GATB: variants seen among roughly 807,000 people sequenced by gnomAD.
GATB encodes glutamyl-tRNA amidotransferase subunit B.
A neutral mutation model predicts 62.3 loss-of-function variants in GATB; 39 were observed. That is an observed-to-expected ratio of 0.63 (90% CI 0.48 to 0.82). The LOEUF is 0.82. GATB is among the 40% of genes least tolerant of loss of function. GATB has a pLI of 0.00. For synonymous variants in GATB, 276 were observed against 258.9 expected (o/e 1.07, Z -0.63); for missense variants, 670 against 684.0 (o/e 0.98, Z 0.23).
At chr4:151,688,847 C>T in intron 9 of GATB, 84 bp from the exon 10 acceptor site, 1 of 1,091,960 alleles carries the variant, frequency 9.2e-7, no homozygotes, top group Non-Finnish European at 1.2e-6. Flanking sequence ...TGAAACTGTC[C>T]CCTCTGCCTC....
Position 151,731,900 on chromosome 4 carries a change from A to G in GATB, c.328-12362T>C, listed in dbSNP as rs9998197. ...CCGGCAGCCACCCAGCAGCCGCCCCATCCGGGAGGGAGGTGGGGGTCAGCC... is the reference window on the plus strand; with the variant it reads ...CCGGCAGCCACCCAGCAGCCGCCCCGTCCGGGAGGGAGGTGGGGGTCAGCC... On this transcript the variant is annotated intron_variant, in intron 2 of 12. Coordinates refer to ENST00000263985, the MANE Select transcript of GATB (RefSeq NM_004564.3). Among the ~76,000 whole-genome samples, 6 of 134,248 alleles carry G rather than the reference A, an allele frequency of 4.5e-5. No homozygotes were observed. In the South Asian group the frequency reaches 1.1e-3, roughly 24 times the overall value. The allele number at this position is 134,248 out of a possible 152,430, so 88.1% of individuals were successfully genotyped here. A position where few individuals can be genotyped will look rare whatever the true frequency, so the allele number is the denominator to read the frequency against.
chr4:151,687,585 A>G (rs1182981285), intron 10 of GATB, among the ~76,000 whole-genome samples: 1 of 152,190 alleles, frequency 6.6e-6, no homozygotes, highest in Non-Finnish European at 1.5e-5. Flanking sequence ...GACGCTGAAT[A>G]TTTGTGTCCC....
intron 8 of GATB, 199 bp downstream of exon 8, chr4:151,703,652 T>C: frequency 1.7e-6 from 1 of 599,596 alleles, no homozygotes. Context: ...GCACCAGATC[T>C]GAGGCTACCA....
chr4:151,753,222 T>C (rs1193504244), intron 2 of GATB, among the ~76,000 whole-genome samples: 1 of 152,154 alleles, frequency 6.6e-6, no homozygotes, highest in African/African-American at 2.4e-5. Flanking sequence ...TACATTCCTA[T>C]GGGGGTAGGG....
chr4:151,711,307 T>C (rs1738814878), intron 5 of GATB, among the ~76,000 whole-genome samples: 1 of 152,254 alleles, frequency 6.6e-6, no homozygotes, highest in Non-Finnish European at 1.5e-5. Flanking sequence ...GTCTTTCCCT[T>C]GCTTAAAAGC....
intron 9 of GATB, among the ~76,000 whole-genome samples, chr4:151,695,259 A>G (rs1738445201): frequency 6.6e-6 from 1 of 152,096 alleles, no homozygotes; most frequent in Non-Finnish European, 1.5e-5. Flanking sequence ...CTTTAGATTC[A>G]ATGAAGATTT....
chr4:151,748,747 A>T lies in GATB; in HGVS notation c.327+10025T>A, dbSNP rs1739654778. 3.3e-5 allele frequency among the ~76,000 whole-genome samples: 5 copies of T among 152,138 alleles called. No homozygotes were observed. In the South Asian group the frequency reaches 1.0e-3, roughly 32 times the overall value. ...GGCAACCTACAGAATGGGAGAAAAT[A>T]TTTGCAATCTACCCATCTGACAAAG... On this transcript the variant is annotated intron_variant, in intron 2 of 12. Coordinates refer to ENST00000263985, the MANE Select transcript of GATB (RefSeq NM_004564.3).
At chr4:151,698,044 G>A (rs1345014228) in intron 9 of GATB, among the ~76,000 whole-genome samples, 1 of 144,358 alleles carries the variant, frequency 6.9e-6, no homozygotes, top group South Asian at 2.2e-4. Flanking sequence ...TAGCTAAATA[G>A]GTTGAAGTTT....
intron 5 of GATB, 96 bp from the exon 6 acceptor site, chr4:151,708,197 A>C: frequency 1.3e-6 from 1 of 784,294 alleles, no homozygotes; most frequent in Non-Finnish European, 2.1e-6. Flanking sequence ...ATCTAACTCT[A>C]CCTGCTGTTT....
Position 151,716,144 on chromosome 4 carries a change from G to A in GATB, c.641-13C>T, listed in dbSNP as rs1738908803. 1.2e-6 allele frequency: 2 copies of A among 1,610,192 alleles called. No individual in the cohort carries two copies. Among genetic ancestry groups the A allele is most frequent in the African/African-American group, 1.3e-5 (1 of 74,844 alleles). On this transcript the variant is annotated splice_polypyrimidine_tract_variant and intron_variant, in intron 4 of 12. Transcript: ENST00000263985. ...AGAAGGCCCACTCCTACCAAAGAGG[G>A]GCAGAGTCAGCCTCACTGCAGCTCT...
At chr4:151,681,164 C>T (rs1054324984) in intron 10 of GATB, among the ~76,000 whole-genome samples, 4 of 152,182 alleles carry the variant, frequency 2.6e-5, no homozygotes, top group African/African-American at 7.2e-5. Context: ...GCCGATTTCC[C>T]GGGCTCTAAA....
intron 9 of GATB, among the ~76,000 whole-genome samples, chr4:151,695,737 A>G (rs1738454036): frequency 6.6e-6 from 1 of 152,002 alleles, no homozygotes; most frequent in Non-Finnish European, 1.5e-5. Context: ...CCCTACGTGG[A>G]GACACTCCTC....
chr4:151,672,692 G>C, intron 12 of GATB, 70 bp downstream of exon 12: 1 of 1,524,908 alleles, frequency 6.6e-7, no homozygotes, highest in Middle Eastern at 1.8e-4. Context: ...CTGCCACAGG[G>C]AGCGATGGCG....
chr4:151,676,844 C>T (rs977725438), intron 11 of GATB, among the ~76,000 whole-genome samples: 8 of 152,088 alleles, frequency 5.3e-5, no homozygotes, highest in African/African-American at 9.7e-5. Flanking sequence ...TTGTAAATGT[C>T]GGGAGCACTG....
chr4:151,716,114 C>T lies in GATB; in HGVS notation c.658G>A (p.Val220Met), dbSNP rs201975276. The T allele has an allele frequency of 1.2e-6, 2 of 1,613,714 alleles. No individual in the cohort carries two copies. Among genetic ancestry groups the T allele is most frequent in the Admixed American group, 3.3e-5 (2 of 59,994 alleles). ...CAGGACATGTCGGGCTCCAGGACCA[C>T]CTCCAGAAGGCCCACTCCTACCAAA... is the stretch of plus-strand genomic sequence containing the variant. Reference protein sequence around the residue: ...LNRAGVGLLEVVLEPDMSCGE... With the variant: ...LNRAGVGLLEMVLEPDMSCGE... The change falls in exon 5 of 13, where the codon GTG becomes ATG. Residue 220 changes from valine to methionine, a missense_variant. Physicochemically the swap from Val to Met is conservative, Grantham distance 21. Coordinates refer to ENST00000263985, the MANE Select transcript of GATB (RefSeq NM_004564.3).
chr4:151,747,027 C>T (rs1349481501), intron 2 of GATB, among the ~76,000 whole-genome samples: 1 of 152,132 alleles, frequency 6.6e-6, no homozygotes, highest in East Asian at 1.9e-4. Context: ...TACTCACTTT[C>T]TAACTGTGAT....
At chr4:151,706,856 C>T (rs1305235203) in intron 6 of GATB, among the ~76,000 whole-genome samples, 1 of 152,184 alleles carries the variant, frequency 6.6e-6, no homozygotes, top group Non-Finnish European at 1.5e-5. Flanking sequence ...AAGGGGTGCA[C>T]TTCAAACTCC....
intron 9 of GATB, among the ~76,000 whole-genome samples, chr4:151,699,285 A>G (rs562299112): frequency 1.3e-5 from 2 of 150,966 alleles, no homozygotes; most frequent in Admixed American, 1.3e-4. Flanking sequence ...GCTACTCGGG[A>G]GGCTGAGGTG....
At chr4:151,757,846 C>T (rs1739867330) in intron 2 of GATB, among the ~76,000 whole-genome samples, 1 of 152,130 alleles carries the variant, frequency 6.6e-6, no homozygotes, top group South Asian at 2.1e-4. Flanking sequence ...TCTGCCTCTC[C>T]CCACCTTTGT....
Sources: gnomAD v4.1 joint callset for allele counts (sites outside exome capture counted in the v4.1 genomes callset) on GRCh38, gnomAD v4.1.1 for gene constraint, MANE v1.5 for transcripts, NCBI Gene and HGNC (gene_info 2026-07-23, HGNC 2026-07-21) for gene names.